The following TTC28 variants were observed in gnomAD, a reference collection of about 807,000 sequenced individuals.
The protein encoded by TTC28 is tetratricopeptide repeat domain 28, also known as tetratricopeptide repeat protein 28.
A neutral mutation model predicts 198.0 loss-of-function variants in TTC28; 61 were observed. The observed-to-expected ratio is 0.31, with a 90% CI of 0.25 to 0.38. The LOEUF (loss-of-function observed/expected upper bound fraction) is 0.38. Ranked by LOEUF, TTC28 falls within the 10% of genes least tolerant of loss-of-function variation. The pLI, the probability that TTC28 is intolerant of heterozygous loss-of-function variation, is 1.00. For synonymous variants in TTC28, 1,171 were observed against 1,297.8 expected (o/e 0.90, Z 2.10); for missense variants, 2,678 against 3,164.0 (o/e 0.85, Z 3.69).
In TTC28 at chr22:28,485,884, A is replaced by G. The variant is rs140956222; in HGVS notation, c.381+143668T>C. On this transcript the variant is annotated intron_variant, in intron 2 of 22. Coordinates refer to ENST00000397906, the MANE Select transcript of TTC28 (RefSeq NM_001145418.2). ...ATTCCTGTTCTTCAAAAATCACTCA[A>G]ATGTGGCTCCAAAATCATAAGTATT... Among the ~76,000 whole-genome samples, 33 of 152,226 alleles carry G rather than the reference A, an allele frequency of 2.2e-4. No homozygotes were observed. In the East Asian group the frequency reaches 6.4e-3, roughly 29 times the overall value.
intron 5 of TTC28, among the ~76,000 whole-genome samples, chr22:28,227,300 T>C (rs181990762): frequency 1.3e-4 from 20 of 152,238 alleles, no homozygotes; most frequent in African/African-American, 3.4e-4. Flanking sequence ...GAATAAAACA[T>C]TGAGGAAAAG....
intron 6 of TTC28, among the ~76,000 whole-genome samples, chr22:28,131,189 T>C (rs549541390): frequency 6.6e-6 from 1 of 152,328 alleles, no homozygotes. Flanking sequence ...TAATTTAGTA[T>C]TATGTTGAAA....
chr22:28,550,798 T>A (rs1000848215), intron 2 of TTC28, among the ~76,000 whole-genome samples: 2 of 151,978 alleles, frequency 1.3e-5, no homozygotes, highest in African/African-American at 2.4e-5. Flanking sequence ...TAGAAAAAAA[T>A]TTGAATGGAG....
At chr22:28,455,695 C>T (rs1276769997) in intron 2 of TTC28, among the ~76,000 whole-genome samples, 1 of 147,044 alleles carries the variant, frequency 6.8e-6, no homozygotes, top group African/African-American at 2.5e-5. Flanking sequence ...GCCTGGGTGA[C>T]AAAGTGAGAC....
At chr22:28,294,671 C>T (rs746821266) in intron 5 of TTC28, among the ~76,000 whole-genome samples, 1 of 151,910 alleles carries the variant, frequency 6.6e-6, no homozygotes, top group African/African-American at 2.4e-5. Context: ...CGGGTTGAAG[C>T]AATTCTCCTG....
chr22:28,656,949 C>T (rs2051667779), intron 1 of TTC28, among the ~76,000 whole-genome samples: 1 of 151,992 alleles, frequency 6.6e-6, no homozygotes, highest in Non-Finnish European at 1.5e-5. Flanking sequence ...ATTTATTTAA[C>T]CTTACTTCAT....
chr22:28,227,510 G>A (rs1928434927), intron 5 of TTC28, among the ~76,000 whole-genome samples: 1 of 152,056 alleles, frequency 6.6e-6, no homozygotes, highest in Non-Finnish European at 1.5e-5. Context: ...TTTATACCCA[G>A]AATATGTAAA....
At chr22:28,553,519 C>G (rs1222354575) in intron 2 of TTC28, among the ~76,000 whole-genome samples, 4 of 151,568 alleles carry the variant, frequency 2.6e-5, no homozygotes, top group African/African-American at 9.7e-5. Context: ...CCGGCCGCCC[C>G]GTCTGAGAAG....
At chr22:28,527,543 C>T (rs1464687284) in intron 2 of TTC28, among the ~76,000 whole-genome samples, 2 of 152,100 alleles carry the variant, frequency 1.3e-5, no homozygotes, top group African/African-American at 2.4e-5. Flanking sequence ...AGGTTTCAGA[C>T]ATTGGGGAAG....
chr22:28,516,358 G>C (rs2048786479), intron 2 of TTC28, among the ~76,000 whole-genome samples: 2 of 152,130 alleles, frequency 1.3e-5, no homozygotes, highest in South Asian at 4.2e-4. Context: ...GAATAATTCT[G>C]AAAAATCAAT....
intron 2 of TTC28, among the ~76,000 whole-genome samples, chr22:28,468,673 G>A (rs879032417): frequency 1.3e-5 from 2 of 148,316 alleles, no homozygotes; most frequent in Non-Finnish European, 3.0e-5. Context: ...ACAGGTGCCC[G>A]CCAACTCGCC....
At chr22:28,604,818 C>A (rs917406809) in intron 2 of TTC28, among the ~76,000 whole-genome samples, 2 of 152,086 alleles carry the variant, frequency 1.3e-5, no homozygotes, top group Non-Finnish European at 2.9e-5. Context: ...CTAGTAGAAA[C>A]CTTTAAAAGT....
At chr22:28,630,340 G>A (rs1457328419) in intron 1 of TTC28, among the ~76,000 whole-genome samples, 1 of 152,038 alleles carries the variant, frequency 6.6e-6, no homozygotes, top group African/African-American at 2.4e-5. Context: ...AGGCTACAGT[G>A]TAGTGGCACA....
chr22:28,638,828 T>C (rs531745173), intron 1 of TTC28, among the ~76,000 whole-genome samples: 13 of 152,306 alleles, frequency 8.5e-5, no homozygotes, highest in African/African-American at 2.9e-4. Flanking sequence ...GTTATACCCA[T>C]ACATTCATAC....
intron 2 of TTC28, among the ~76,000 whole-genome samples, chr22:28,397,565 G>A (rs903698877): frequency 6.6e-6 from 1 of 152,142 alleles, no homozygotes; most frequent in South Asian, 2.1e-4. Flanking sequence ...TACAAACCAC[G>A]GATGCTTCTG....
chr22:28,534,561 G>A (rs1475990062), intron 2 of TTC28, among the ~76,000 whole-genome samples: 1 of 152,174 alleles, frequency 6.6e-6, no homozygotes, highest in Admixed American at 6.5e-5. Flanking sequence ...TCCCATTACT[G>A]AGTATATACC....
At chr22:28,422,822 A>G (rs958338006) in intron 2 of TTC28, among the ~76,000 whole-genome samples, 4 of 152,194 alleles carry the variant, frequency 2.6e-5, no homozygotes. Flanking sequence ...CTTATTTTGC[A>G]TACACCAAAA....
chr22:28,086,247 G>T (rs1180032662), intron 12 of TTC28, among the ~76,000 whole-genome samples: 1 of 151,940 alleles, frequency 6.6e-6, no homozygotes, highest in African/African-American at 2.4e-5. Context: ...TTCCAAAATT[G>T]ACCACATACT....
In TTC28 at chr22:28,483,351, T is replaced by A. The variant is rs1043210368; in HGVS notation, c.381+146201A>T. On this transcript the variant is annotated intron_variant, in intron 2 of 22. Coordinates refer to ENST00000397906, the MANE Select transcript of TTC28 (RefSeq NM_001145418.2). ...TACAGGGAGCAATGAGAAGACACTA[T>A]TTTATATAGGGTGGTCAGGAAAGGC... 4.6e-5 allele frequency among the ~76,000 whole-genome samples: 7 copies of A among 152,086 alleles called. 1 individual carries two copies. The highest frequency in any genetic ancestry group is 2.6e-4 in the Admixed American group (4 of 15,270).
Sources: gnomAD v4.1 joint callset for allele counts (sites outside exome capture counted in the v4.1 genomes callset) on GRCh38, gnomAD v4.1.1 for gene constraint, MANE v1.5 for transcripts, NCBI Gene and HGNC (gene_info 2026-07-23, HGNC 2026-07-21) for gene names.